SDHAF2: variants seen among roughly 807,000 people sequenced by gnomAD.
SDHAF2 encodes the protein succinate dehydrogenase complex assembly factor 2, also known as succinate dehydrogenase assembly factor 2, mitochondrial.
In SDHAF2, 21 loss-of-function variants were observed where a neutral mutation model predicts 18.5. The ratio of observed to expected loss-of-function variants is 1.13; its 90% confidence interval spans 0.80 to 1.63. The LOEUF is 1.63. Among genes scored for constraint, SDHAF2 ranks in the 40% most tolerant of loss-of-function variants. SDHAF2 has a pLI of 0.00. For synonymous variants in SDHAF2, 84 were observed against 70.7 expected (o/e 1.19, Z -0.94); for missense variants, 195 against 200.3 (o/e 0.97, Z 0.16).
chr11:61,438,865 C>T (rs139454948), intron 3 of SDHAF2, among the ~76,000 whole-genome samples: 139 of 152,064 alleles, frequency 9.1e-4, no homozygotes, highest in African/African-American at 3.2e-3. Flanking sequence ...GCCAACACAG[C>T]GAAACCTCAT....
In SDHAF2 at chr11:61,438,116, A is replaced by G. The variant is rs773940746; in HGVS notation, c.370+3A>G. 3.8e-6 allele frequency: 6 copies of G among 1,597,460 alleles called. No homozygotes were observed. Among genetic ancestry groups the G allele is most frequent in the Admixed American group, 1.7e-5 (1 of 60,008 alleles). ...GGATATTTACTACTGGGCCACAGGTACTGGGTATGATAAGCAGCATAATGT... is the reference window on the plus strand; with the variant it reads ...GGATATTTACTACTGGGCCACAGGTGCTGGGTATGATAAGCAGCATAATGT... On this transcript the variant is annotated splice_donor_region_variant and intron_variant, in intron 3 of 3. Coordinates refer to ENST00000301761, the MANE Select transcript of SDHAF2 (RefSeq NM_017841.4).
chr11:61,435,804 G>A (rs1467796667), intron 1 of SDHAF2: 1 of 152,270 alleles, frequency 6.6e-6, no homozygotes, highest in Admixed American at 6.5e-5. Flanking sequence ...ACAGAAACCA[G>A]TCCCTCTGGT....
intron 1 of SDHAF2, among the ~76,000 whole-genome samples, 182 bp from the exon 2 acceptor site, chr11:61,437,443 A>C (rs1464799757): frequency 6.6e-6 from 1 of 152,080 alleles, no homozygotes; most frequent in Non-Finnish European, 1.5e-5. Context: ...TCAAGTAATC[A>C]TGCTCGCGTT....
chr11:61,430,744 C>A (rs1861872757), intron 1 of SDHAF2: 1 of 153,218 alleles, frequency 6.5e-6, no homozygotes, highest in African/African-American at 2.4e-5. Context: ...TGTAGTCACT[C>A]TAATATGTAA....
At chr11:61,432,050 T>C (rs986501685) in intron 1 of SDHAF2, 3 of 152,052 alleles carry the variant, frequency 2.0e-5, no homozygotes, top group Non-Finnish European at 4.4e-5. Context: ...ATCGTGTGAG[T>C]CCTGGAGTTC....
chr11:61,430,282 G>A (rs1346250017), intron 1 of SDHAF2, 100 bp downstream of exon 1: 1 of 1,481,902 alleles, frequency 6.7e-7, no homozygotes, highest in Non-Finnish European at 9.4e-7. Context: ...TCGTCTGCCC[G>A]ATAGCGCAGG....
At chr11:61,439,233 A>G (rs927880896) in intron 3 of SDHAF2, among the ~76,000 whole-genome samples, 1 of 152,192 alleles carries the variant, frequency 6.6e-6, no homozygotes, top group African/African-American at 2.4e-5. Flanking sequence ...AGGGGCTTCA[A>G]AAAGTCATGG....
At chr11:61,430,376 C>T in intron 1 of SDHAF2, 194 bp downstream of exon 1, 1 of 668,112 alleles carries the variant, frequency 1.5e-6, no homozygotes, top group Non-Finnish European at 2.6e-6. Flanking sequence ...TACTGTGTGC[C>T]GGTCTGGAAA....
chr11:61,430,436 C>T (rs1199047875), intron 1 of SDHAF2: 10 of 567,566 alleles, frequency 1.8e-5, no homozygotes, highest in Middle Eastern at 4.6e-4. Context: ...CGCCTCTCAC[C>T]TACGTCCCAG....
At chr11:61,441,080 C>T (rs1276091757) in intron 3 of SDHAF2, among the ~76,000 whole-genome samples, 1 of 151,926 alleles carries the variant, frequency 6.6e-6, no homozygotes. Context: ...CACTGTATTC[C>T]CAGCTACTTG....
intron 2 of SDHAF2, 34 bp downstream of exon 2, chr11:61,437,882 G>C: frequency 1.3e-6 from 2 of 1,597,790 alleles, no homozygotes; most frequent in Non-Finnish European, 1.7e-6. Flanking sequence ...TTTAAATCGG[G>C]CAGCTTCCTG....
At chr11:61,440,763 GTAGCA>G (rs1305041120) in intron 3 of SDHAF2, among the ~76,000 whole-genome samples, 1 of 152,094 alleles carries the variant, frequency 6.6e-6, no homozygotes, top group African/African-American at 2.4e-5. Flanking sequence ...CTCGACCTTT[GTAGCA>G]TGAAAGCAGC....
chr11:61,438,202 T>TTA, intron 3 of SDHAF2, 89 bp downstream of exon 3: 1 of 964,354 alleles, frequency 1.0e-6, no homozygotes, highest in South Asian at 1.4e-5. Flanking sequence ...ATTTTTTTCT[T>TTA]TCTTTTTTTT....
chr11:61,430,651 C>T (rs949388207), intron 1 of SDHAF2: 1 of 178,224 alleles, frequency 5.6e-6, no homozygotes, highest in African/African-American at 2.4e-5. Context: ...TCCATCACCT[C>T]AAATCTTTAT....
chr11:61,432,381 A>G (rs1172090505), intron 1 of SDHAF2: 1 of 152,202 alleles, frequency 6.6e-6, no homozygotes, highest in Non-Finnish European at 1.5e-5. Context: ...GTATTTGCAT[A>G]TAATCTACAC....
At chr11:61,430,371 T>C (rs1025205184) in intron 1 of SDHAF2, 189 bp downstream of exon 1, 2 of 678,276 alleles carry the variant, frequency 2.9e-6, no homozygotes, top group Admixed American at 2.5e-5. Context: ...GAGCCTACTG[T>C]GTGCCGGTCT....
intron 1 of SDHAF2, among the ~76,000 whole-genome samples, chr11:61,436,356 C>T (rs1252160370): frequency 6.6e-6 from 1 of 152,120 alleles, no homozygotes; most frequent in Non-Finnish European, 1.5e-5. Context: ...CTGTTTCCCT[C>T]CCTAGGGAGA....
At position 61,438,169 on chromosome 11, in the gene SDHAF2, A is replaced by G. The variant is rs769665223; in HGVS notation, c.370+56A>G. ...AAATAGGACAGTTTAGGCTGATTTG[A>G]GTCTAGAATTGTATCCTAGATAATT... On this transcript the variant is annotated intron_variant, in intron 3 of 3. Coordinates refer to ENST00000301761, the MANE Select transcript of SDHAF2 (RefSeq NM_017841.4). 79 of 1,306,592 alleles carry G rather than the reference A, an allele frequency of 6.0e-5. 1 individual carries two copies. The highest frequency in any genetic ancestry group is 1.1e-6 in the Non-Finnish European group (1 of 901,642). The allele number at this position is 1,306,592 out of a possible 1,614,324, so 80.9% of individuals were successfully genotyped here. A position where few individuals can be genotyped will look rare whatever the true frequency, so the allele number is the denominator to read the frequency against.
At position 61,446,253 on chromosome 11, in the gene SDHAF2, T is replaced by C; in HGVS notation, c.*182T>C. The C allele has an allele frequency of 1.4e-6, 1 of 692,554 alleles. No homozygotes were observed. Among genetic ancestry groups the C allele is most frequent in the East Asian group, 2.7e-5 (1 of 37,216 alleles). 42.9% of individuals were successfully genotyped at this position (692,554 alleles called of 1,614,324 possible). On this transcript the variant is annotated 3_prime_UTR_variant, in exon 4 of 4. Coordinates refer to ENST00000301761, the MANE Select transcript of SDHAF2 (RefSeq NM_017841.4). Reference sequence around the variant, plus strand: ...ACATGTAAATGCACAATGTGACTCATTCTCATACTTTTTTGTTCAGCTCTG... The same window carrying C: ...ACATGTAAATGCACAATGTGACTCACTCTCATACTTTTTTGTTCAGCTCTG...
Sources: allele counts gnomAD v4.1 joint callset (sites outside exome capture counted in the v4.1 genomes callset), GRCh38; gene constraint gnomAD v4.1.1; transcripts MANE v1.5; gene names NCBI Gene and HGNC (gene_info 2026-07-23, HGNC 2026-07-21).